The following EEA1 variants were observed in gnomAD, a reference collection of about 807,000 sequenced individuals.
EEA1 encodes the protein early endosome antigen 1.
Under a neutral mutation model 209.2 loss-of-function variants are expected in EEA1, and 111 were observed. The ratio of observed to expected loss-of-function variants is 0.53; its 90% CI spans 0.45 to 0.62. EEA1 has a LOEUF of 0.62. EEA1 is among the 20% of genes least tolerant of loss of function. EEA1 has a pLI of 0.00. For synonymous variants in EEA1, 536 were observed against 540.6 expected (o/e 0.99, Z 0.12); for missense variants, 1,343 against 1,530.8 (o/e 0.88, Z 2.05).
At position 92,802,702 on chromosome 12, in the gene EEA1, T is replaced by C. The variant is rs762014438; in HGVS notation, c.2372A>G (p.Lys791Arg). The C allele has an allele frequency of 6.3e-7, 1 of 1,597,738 alleles. No individual in the cohort carries two copies. The highest frequency in any genetic ancestry group is 1.2e-5 in the South Asian group (1 of 86,402). The change falls in exon 19 of 29, where the codon AAA becomes AGA. Residue 791 changes from lysine to arginine, a missense_variant. Around this residue, in one of 3 missense-constraint regions of EEA1, gnomAD observed 1,307 missense variants for 1,465.5 expected, o/e 0.89. Transcript: ENST00000322349. ...VSSTRLDLQK[K>R]SEALESIKQK... ...CTTGATACTTTCAAGGGCTTCAGAT[T>C]TTTTCTGTAGATCCAATCTTGTACT...
chr12:92,889,070 T>C (rs1879548513), intron 2 of EEA1, among the ~76,000 whole-genome samples: 1 of 151,982 alleles, frequency 6.6e-6, no homozygotes, highest in South Asian at 2.1e-4. Context: ...GAGAATCATT[T>C]GATCCTGGGA....
chr12:92,832,464 G>T, intron 11 of EEA1, 48 bp downstream of exon 11: 1 of 1,521,908 alleles, frequency 6.6e-7, no homozygotes. Flanking sequence ...AGTACACGAA[G>T]AAGAAACCAG....
chr12:92,899,825 T>C (rs1880075502), intron 1 of EEA1, among the ~76,000 whole-genome samples: 1 of 152,220 alleles, frequency 6.6e-6, no homozygotes, highest in African/African-American at 2.4e-5. Flanking sequence ...TGGAAGTTGA[T>C]CTAGCTTTCT....
intron 9 of EEA1, among the ~76,000 whole-genome samples, chr12:92,844,476 A>G (rs1877308562): frequency 6.6e-6 from 1 of 152,182 alleles, no homozygotes; most frequent in Non-Finnish European, 1.5e-5. Context: ...ATAATCTTAT[A>G]CAATTCAAAG....
At chr12:92,909,175 G>T (rs530618309) in intron 1 of EEA1, among the ~76,000 whole-genome samples, 13 of 152,042 alleles carry the variant, frequency 8.6e-5, no homozygotes, top group African/African-American at 3.1e-4. Flanking sequence ...AAAGCAAAGC[G>T]CACCCTACGT....
intron 1 of EEA1, among the ~76,000 whole-genome samples, chr12:92,909,768 G>C (rs1427552963): frequency 6.6e-6 from 1 of 152,164 alleles, no homozygotes; most frequent in Admixed American, 6.5e-5. Flanking sequence ...TGTAATCCCA[G>C]CACTTTGGGA....
intron 1 of EEA1, among the ~76,000 whole-genome samples, chr12:92,917,596 G>A (rs1404212074): frequency 1.2e-4 from 18 of 151,704 alleles, no homozygotes; most frequent in Non-Finnish European, 1.9e-4. Context: ...TGAAGGAAGC[G>A]CTAAACATGG....
chr12:92,825,828 TA>T (rs1170495877), intron 13 of EEA1, among the ~76,000 whole-genome samples: 1 of 150,514 alleles, frequency 6.6e-6, no homozygotes, highest in Non-Finnish European at 1.5e-5. Context: ...GTAATTTAAA[TA>T]AATGTATTTA....
At chr12:92,878,981 A>T (rs73364418) in intron 2 of EEA1, among the ~76,000 whole-genome samples, 2,499 of 152,310 alleles carry the variant, frequency 0.016, 33 homozygotes, top group East Asian at 0.04. Flanking sequence ...TTTACTAGTG[A>T]ATTCTAGCAA....
At chr12:92,883,900 T>C (rs1025356654) in intron 2 of EEA1, 27 of 1,586,322 alleles carry the variant, frequency 1.7e-5, no homozygotes, top group Non-Finnish European at 2.2e-5. Flanking sequence ...GCTCACGGAC[T>C]GTGTGGTAAT....
At chr12:92,794,461 C>A (rs1874559067) in intron 21 of EEA1, among the ~76,000 whole-genome samples, 1 of 152,032 alleles carries the variant, frequency 6.6e-6, no homozygotes, top group African/African-American at 2.4e-5. Flanking sequence ...TTCACAATAG[C>A]AAAGACTTGG....
Position 92,802,478 on chromosome 12 carries a change from A to G in EEA1, c.2596T>C (p.Ser866Pro). The part of the protein sequence containing the change: ...STVKDKLSKV[S>P]DSLKNSKSEF... ...CTTTTAGAGTTTTTCAAAGAATCAGAAACTTTTGATAGTTTGTCCTTTACT... is the reference window on the plus strand; with the variant it reads ...CTTTTAGAGTTTTTCAAAGAATCAGGAACTTTTGATAGTTTGTCCTTTACT... The change falls in exon 19 of 29, where the codon TCT becomes CCT. Residue 866 changes from serine (S) to proline (P), a missense_variant. Transcript: ENST00000322349. 6.3e-7 allele frequency: 1 copy of G among 1,579,266 alleles called. No homozygotes were observed. The highest frequency in any genetic ancestry group is 8.5e-7 in the Non-Finnish European group (1 of 1,171,062).
chr12:92,883,771 G>A (rs1381755866), intron 2 of EEA1: 24 of 1,452,992 alleles, frequency 1.7e-5, no homozygotes, highest in South Asian at 4.6e-5. Flanking sequence ...TCTCCCTTCC[G>A]TCATGTCTAA....
chr12:92,818,527 A>G (rs1875902827), intron 14 of EEA1, among the ~76,000 whole-genome samples: 1 of 152,182 alleles, frequency 6.6e-6, no homozygotes, highest in Non-Finnish European at 1.5e-5. Flanking sequence ...TCCTGACCAT[A>G]TTTATATGAT....
intron 2 of EEA1, among the ~76,000 whole-genome samples, chr12:92,867,285 A>G (rs1354719508): frequency 1.3e-5 from 2 of 152,174 alleles, no homozygotes; most frequent in East Asian, 3.8e-4. Flanking sequence ...TTTTCCCTCC[A>G]GGAGCACCCT....
intron 9 of EEA1, among the ~76,000 whole-genome samples, chr12:92,847,913 A>T (rs1261530045): frequency 1.3e-5 from 2 of 152,170 alleles, no homozygotes; most frequent in African/African-American, 4.8e-5. Context: ...TGCTCAAAAG[A>T]GTAAGAGTTT....
At chr12:92,834,708 AC>A (rs1565827849) in intron 10 of EEA1, among the ~76,000 whole-genome samples, 2 of 152,134 alleles carry the variant, frequency 1.3e-5, no homozygotes, top group Non-Finnish European at 2.9e-5. Context: ...CAAGAAAATC[AC>A]AGAACAAAAA....
At chr12:92,824,783 C>T (rs945598260) in intron 13 of EEA1, among the ~76,000 whole-genome samples, 2 of 152,132 alleles carry the variant, frequency 1.3e-5, no homozygotes, top group Non-Finnish European at 2.9e-5. Context: ...ATATGTTTTG[C>T]CTATTTACCT....
intron 15 of EEA1, among the ~76,000 whole-genome samples, chr12:92,813,702 A>C (rs929185065): frequency 3.3e-5 from 5 of 152,194 alleles, no homozygotes; most frequent in South Asian, 2.1e-4. Context: ...CCTTTAGTAC[A>C]ACTCACCTCG....
Sources: allele counts gnomAD v4.1 joint callset (sites outside exome capture counted in the v4.1 genomes callset), GRCh38; gene constraint gnomAD v4.1.1; regional missense constraint gnomAD v4.1.1; transcripts MANE v1.5; gene names NCBI Gene and HGNC (gene_info 2026-07-23, HGNC 2026-07-21).